DIAPH1: variants seen among roughly 807,000 people sequenced by gnomAD.
DIAPH1 encodes the protein protein diaphanous homolog 1.
In DIAPH1, 46 loss-of-function variants were observed where a neutral mutation model predicts 140.7. That is an observed-to-expected ratio of 0.33 (90% CI 0.26 to 0.42). DIAPH1 has a LOEUF of 0.42. DIAPH1 is among the 10% of genes least tolerant of loss of function. DIAPH1 has a pLI of 1.00. For missense variants in DIAPH1, 1,310 were observed against 1,558.7 expected (o/e 0.84, Z 2.69); for synonymous variants, 565 against 551.6 (o/e 1.02, Z -0.34).
chr5:141,616,243 A>G (rs2099902658), intron 1 of DIAPH1, among the ~76,000 whole-genome samples: 1 of 152,232 alleles, frequency 6.6e-6, no homozygotes, highest in Non-Finnish European at 1.5e-5. Flanking sequence ...CAGATCTCAG[A>G]CAATTTGTGA....
At chr5:141,583,916 A>T (rs570396903) in intron 4 of DIAPH1, among the ~76,000 whole-genome samples, 1 of 152,262 alleles carries the variant, frequency 6.6e-6, no homozygotes, top group African/African-American at 2.4e-5. Flanking sequence ...CCCATTCCCT[A>T]TATTTACATA....
chr5:141,554,514 CAAA>C (rs143296685), intron 18 of DIAPH1, among the ~76,000 whole-genome samples: 26,306 of 151,864 alleles, frequency 0.17, 2,511 homozygotes, highest in Admixed American at 0.29. Context: ...CAATTTTACG[CAAA>C]AAATTTTTCC....
At chr5:141,551,668 A>G (rs2099891708) in intron 18 of DIAPH1, among the ~76,000 whole-genome samples, 1 of 152,218 alleles carries the variant, frequency 6.6e-6, no homozygotes, top group South Asian at 2.1e-4. Context: ...AAAAAAATCA[A>G]AAGAAAAAAT....
At chr5:141,575,913 T>C (rs983794364) in intron 14 of DIAPH1, among the ~76,000 whole-genome samples, 5 of 152,170 alleles carry the variant, frequency 3.3e-5, no homozygotes, top group African/African-American at 9.7e-5. Flanking sequence ...CCAGTTCCTA[T>C]TGTTCTAGGG....
rs951445608 is a variant in DIAPH1 at position 141,595,536 on chromosome 5, A to T, written c.118-7286T>A. Among the ~76,000 whole-genome samples the T allele has an allele frequency of 1.5e-4, 23 of 152,176 alleles. 1 individual carries two copies. Among genetic ancestry groups the T allele is most frequent in the Non-Finnish European group, 4.4e-5 (3 of 68,026 alleles). On this transcript the variant is annotated intron_variant, in intron 1 of 27. Transcript: ENST00000389054. ...GGACAGTCTCCCCTATGCTGTTCTC[A>T]TGATATCAAGTGAGTCTCATGAAAT...
intron 1 of DIAPH1, among the ~76,000 whole-genome samples, chr5:141,602,408 G>C (rs903789924): frequency 1.3e-5 from 2 of 152,024 alleles, no homozygotes; most frequent in African/African-American, 4.8e-5. Flanking sequence ...GTAGAGACGG[G>C]GTTTCACCGT....
chr5:141,614,157 A>T (rs1221286063), intron 1 of DIAPH1, among the ~76,000 whole-genome samples: 2 of 152,206 alleles, frequency 1.3e-5, no homozygotes, highest in Non-Finnish European at 2.9e-5. Context: ...TTTGTTTCAA[A>T]ATGGGGATGA....
chr5:141,612,778 T>C (rs2154597378), intron 1 of DIAPH1, among the ~76,000 whole-genome samples: 1 of 152,328 alleles, frequency 6.6e-6, no homozygotes, highest in South Asian at 2.1e-4. Flanking sequence ...TCAATAATGC[T>C]GTAAAAATAG....
At chr5:141,607,592 T>C (rs1378158629) in intron 1 of DIAPH1, among the ~76,000 whole-genome samples, 1 of 152,234 alleles carries the variant, frequency 6.6e-6, no homozygotes, top group Non-Finnish European at 1.5e-5. Context: ...TCAATCCTGC[T>C]TTCTGCAGGT....
At chr5:141,525,532 C>T (rs374247040) in intron 26 of DIAPH1, among the ~76,000 whole-genome samples, 17 of 152,160 alleles carry the variant, frequency 1.1e-4, no homozygotes, top group East Asian at 3.9e-4. Context: ...AGAGGGTGAC[C>T]GGCTCCCCAC....
chr5:141,559,952 G>A (rs1371938662), intron 18 of DIAPH1, among the ~76,000 whole-genome samples: 1 of 152,164 alleles, frequency 6.6e-6, no homozygotes, highest in Non-Finnish European at 1.5e-5. Flanking sequence ...AGTTTCAACA[G>A]TTATCCACTC....
intron 18 of DIAPH1, among the ~76,000 whole-genome samples, chr5:141,567,008 CA>C (rs1554206775): frequency 6.6e-6 from 1 of 152,122 alleles, no homozygotes; most frequent in Non-Finnish European, 1.5e-5. Context: ...AAGGTTTTGC[CA>C]GTAATGGACC....
At chr5:141,603,019 G>C (rs2099900401) in intron 1 of DIAPH1, among the ~76,000 whole-genome samples, 1 of 152,136 alleles carries the variant, frequency 6.6e-6, no homozygotes, top group Non-Finnish European at 1.5e-5. Context: ...TCAGAGGAAA[G>C]GAAGTCTAGA....
At chr5:141,526,872 T>C (rs1481888424) in intron 24 of DIAPH1, among the ~76,000 whole-genome samples, 1 of 150,112 alleles carries the variant, frequency 6.7e-6, no homozygotes, top group Non-Finnish European at 1.5e-5. Context: ...GATTTTTTTG[T>C]ATTTTTAGTA....
intron 19 of DIAPH1, among the ~76,000 whole-genome samples, chr5:141,530,098 C>T (rs1211289246): frequency 6.6e-6 from 1 of 152,014 alleles, no homozygotes; most frequent in South Asian, 2.1e-4. Flanking sequence ...AGTATATATA[C>T]GTCAAAGACT....
intron 18 of DIAPH1, among the ~76,000 whole-genome samples, chr5:141,543,990 A>C (rs750833659): frequency 7.2e-5 from 11 of 152,200 alleles, no homozygotes; most frequent in Non-Finnish European, 1.2e-4. Context: ...TTGAGGTGGT[A>C]ATAATTTCTC....
chr5:141,551,995 T>G (rs1198598301), intron 18 of DIAPH1, among the ~76,000 whole-genome samples: 1 of 152,076 alleles, frequency 6.6e-6, no homozygotes, highest in Non-Finnish European at 1.5e-5. Flanking sequence ...ATACAAAAAA[T>G]CCTGAAAATT....
At chr5:141,559,620 AAT>A (rs1300721709) in intron 18 of DIAPH1, among the ~76,000 whole-genome samples, 4 of 152,192 alleles carry the variant, frequency 2.6e-5, no homozygotes, top group African/African-American at 9.7e-5. Flanking sequence ...TCTTTCAGAT[AAT>A]ATAGTCATTG....
chr5:141,587,704 C>T (rs980666493), intron 2 of DIAPH1, among the ~76,000 whole-genome samples: 9 of 152,188 alleles, frequency 5.9e-5, no homozygotes, highest in Non-Finnish European at 8.8e-5. Context: ...AATTTGTACA[C>T]TCCAAAGCAC....
Sources: allele counts gnomAD v4.1 joint callset (sites outside exome capture counted in the v4.1 genomes callset), GRCh38; gene constraint gnomAD v4.1.1; transcripts MANE v1.5; gene names NCBI Gene and HGNC (gene_info 2026-07-23, HGNC 2026-07-21).